UROS: variants seen among roughly 807,000 people sequenced by gnomAD.
The protein encoded by UROS is uroporphyrinogen III synthase.
In UROS, 18 loss-of-function variants were observed where a neutral mutation model predicts 33.0. That is an observed-to-expected ratio of 0.55 (90% CI 0.38 to 0.81). UROS has a LOEUF of 0.81. UROS is among the 30% of genes least tolerant of loss of function. The pLI is 0.00. For synonymous variants in UROS, 114 were observed against 121.1 expected, an observed-to-expected ratio of 0.94 and a Z score of 0.38; for missense variants, 293 against 314.9, an observed-to-expected ratio of 0.93 and a Z score of 0.53.
chr10:125,806,871 T>C (rs980955254), intron 6 of UROS, among the ~76,000 whole-genome samples: 1 of 152,212 alleles, frequency 6.6e-6, no homozygotes, highest in Non-Finnish European at 1.5e-5. Context: ...CCAAGAATTT[T>C]TGCCTATGTA....
chr10:125,795,337 C>G (rs1334058173), intron 8 of UROS: 3 of 316,016 alleles, frequency 9.5e-6, no homozygotes, highest in Admixed American at 4.6e-5. Context: ...GTGCTGGCTC[C>G]CTGTCAATGC....
intron 6 of UROS, among the ~76,000 whole-genome samples, chr10:125,799,387 G>A (rs1433616829): frequency 1.3e-5 from 2 of 152,116 alleles, no homozygotes; most frequent in Non-Finnish European, 2.9e-5. Flanking sequence ...TTTCTTCCCC[G>A]TTTCTGTGTG....
intron 1 of UROS, chr10:125,819,660 G>C (rs1564807643): frequency 6.6e-6 from 1 of 152,548 alleles, no homozygotes; most frequent in Non-Finnish European, 1.5e-5. Context: ...GCATCAAGCA[G>C]ATCAGAGGCA....
At position 125,816,474 on chromosome 10, in the gene UROS, G is replaced by A. The variant is rs776171817; in HGVS notation, c.26C>T (p.Ala9Val). 9.3e-6 allele frequency: 15 copies of A among 1,614,056 alleles called. No individual in the cohort carries two copies. The highest frequency in any genetic ancestry group is 2.2e-5 in the East Asian group (1 of 44,880). Residue 9 changes from alanine (A) to valine (V), a missense_variant, in exon 2 of 10, where the codon GCG becomes GTG. Physicochemically the swap from Ala to Val is moderately conservative, Grantham distance 64. Coordinates refer to ENST00000368797, the MANE Select transcript of UROS (RefSeq NM_000375.3). MKVLLLKDAKEDDCGQDPY... is the reference protein window; with the variant it reads MKVLLLKDVKEDDCGQDPY... ...ATCCTGGCCACAGTCATCTTCCTTC[G>A]CATCCTTCAGTAAAAGAACCTTCAT...
At chr10:125,787,975 CAG>C (rs1347331737), downstream of UROS, among the ~76,000 whole-genome samples, 2 of 152,294 alleles carry the variant, frequency 1.3e-5, no homozygotes, top group East Asian at 1.9e-4. Flanking sequence ...TTCACCTCAC[CAG>C]AGTCTGTTTC....
chr10:125,807,545 A>G, intron 5 of UROS, 58 bp from the exon 6 acceptor site: 2 of 1,420,594 alleles, frequency 1.4e-6, no homozygotes, highest in South Asian at 2.3e-5. Context: ...CTTTTGTTCC[A>G]GCGTTATTTT....
Position 125,807,429 on chromosome 10 carries a change from T to C in UROS, c.378A>G (p.Ala126=). The C allele has an allele frequency of 1.9e-6, 3 of 1,614,154 alleles. No homozygotes were observed. The highest frequency in any genetic ancestry group is 2.5e-6 in the Non-Finnish European group (3 of 1,180,016). ...TCTACTTACTGGAACAAATATATTC[T>C]GCAAGCTTTTCTGCATTTCCACAGG... ...GETCGNAEKL[A]EYICSRESSA... is the part of the protein sequence containing the mutation. Residue 126 remains alanine, a synonymous_variant, in exon 6 of 10, where the codon GCA becomes GCG. Coordinates refer to ENST00000368797, the MANE Select transcript of UROS (RefSeq NM_000375.3).
At chr10:125,813,844 C>T (rs1416700633) in intron 4 of UROS, among the ~76,000 whole-genome samples, 1 of 152,166 alleles carries the variant, frequency 6.6e-6, no homozygotes, top group Non-Finnish European at 1.5e-5. Flanking sequence ...TATGAAATCA[C>T]CAAGAAGGTG....
At chr10:125,800,610 G>A (rs933371894) in intron 6 of UROS, among the ~76,000 whole-genome samples, 1 of 148,652 alleles carries the variant, frequency 6.7e-6, no homozygotes, top group African/African-American at 2.5e-5. Flanking sequence ...CACCCAGGCT[G>A]GAGTGCAGTG....
intron 1 of UROS, among the ~76,000 whole-genome samples, chr10:125,822,586 G>A (rs1210039161): frequency 6.6e-6 from 1 of 152,074 alleles, no homozygotes; most frequent in Non-Finnish European, 1.5e-5. Context: ...GCCTCCCAAA[G>A]TGCTGGGATT....
chr10:125,822,694 G>C (rs1854075841), intron 1 of UROS, among the ~76,000 whole-genome samples: 1 of 152,156 alleles, frequency 6.6e-6, no homozygotes, highest in South Asian at 2.1e-4. Flanking sequence ...CTGACCTCTG[G>C]TGATCCACCC....
chr10:125,789,138 A>C, intron 9 of UROS, 133 bp from the exon 10 acceptor site: 1 of 1,448,610 alleles, frequency 6.9e-7, no homozygotes, highest in Non-Finnish European at 9.4e-7. Flanking sequence ...TGTTTATAAA[A>C]ATGACAACAC....
chr10:125,790,800 G>A (rs1387592531), intron 9 of UROS, among the ~76,000 whole-genome samples: 3 of 117,404 alleles, frequency 2.6e-5, no homozygotes, highest in East Asian at 2.4e-4. Flanking sequence ...AAAAAAAAAT[G>A]TATTCAGAGG....
intron 1 of UROS, among the ~76,000 whole-genome samples, chr10:125,817,044 T>C (rs1590010970): frequency 6.6e-6 from 1 of 152,172 alleles, no homozygotes; most frequent in African/African-American, 2.4e-5. Context: ...AAGCTTTATA[T>C]ACTTCATCTT....
downstream of UROS, chr10:125,785,026 G>GA (rs1850605318): frequency 6.6e-6 from 1 of 152,154 alleles, no homozygotes; most frequent in African/African-American, 2.4e-5. Context: ...GGTTTATCTT[G>GA]ATGTTTACTC....
chr10:125,788,384 T>C (rs1850694380), downstream of UROS, among the ~76,000 whole-genome samples: 1 of 152,338 alleles, frequency 6.6e-6, no homozygotes, highest in Non-Finnish European at 1.5e-5. Context: ...AGCAAGTCTT[T>C]CTATATTTGA....
intron 1 of UROS, among the ~76,000 whole-genome samples, chr10:125,820,626 G>A (rs1220900774): frequency 6.6e-6 from 1 of 152,226 alleles, no homozygotes; most frequent in African/African-American, 2.4e-5. Context: ...ACTGGGCTAA[G>A]CATTTTACAT....
chr10:125,794,826 T>C, intron 9 of UROS, 54 bp downstream of exon 9: 1 of 1,452,898 alleles, frequency 6.9e-7, no homozygotes, highest in Admixed American at 1.8e-5. Flanking sequence ...TTCATAAAGA[T>C]TAAAAAAAAA....
intron 5 of UROS, among the ~76,000 whole-genome samples, chr10:125,807,754 G>A (rs79189246): frequency 3.9e-5 from 6 of 152,232 alleles, no homozygotes; most frequent in Non-Finnish European, 7.4e-5. Context: ...TCTACAAGAG[G>A]GGGAAAAACC....
Sources: gnomAD v4.1 joint callset for allele counts (sites outside exome capture counted in the v4.1 genomes callset) on GRCh38, gnomAD v4.1.1 for gene constraint, MANE v1.5 for transcripts, NCBI Gene and HGNC (gene_info 2026-07-23, HGNC 2026-07-21) for gene names.